Variants in ARHGAP35 observed in about 807,000 individuals in gnomAD.
The protein encoded by ARHGAP35 is Rho GTPase activating protein 35, also known as rho GTPase-activating protein 35.
ARHGAP35 carries 15 observed loss-of-function variants against 111.1 expected under a neutral mutation model. That is an observed-to-expected ratio of 0.13 (90% CI 0.09 to 0.21). ARHGAP35 has a LOEUF of 0.21. Among genes scored for constraint, ARHGAP35 ranks in the 10% least tolerant of loss-of-function variants. The pLI is 1.00. For missense variants in ARHGAP35, 1,262 were observed against 1,873.0 expected (o/e 0.67, Z 6.02); for synonymous variants, 643 against 710.3 (o/e 0.91, Z 1.51).
At chr19:46,961,165 G>A (rs1025446650) in intron 3 of ARHGAP35, among the ~76,000 whole-genome samples, 2 of 152,182 alleles carry the variant, frequency 1.3e-5, no homozygotes, top group Non-Finnish European at 2.9e-5. Context: ...AAAGTGCTGG[G>A]ATTACAGGCA....
At chr19:46,924,484 A>G (rs2056227194) in intron 2 of ARHGAP35, among the ~76,000 whole-genome samples, 1 of 152,204 alleles carries the variant, frequency 6.6e-6, no homozygotes, top group Non-Finnish European at 1.5e-5. Flanking sequence ...GCTGACTATT[A>G]ATAAATGCCA....
At chr19:46,916,888 C>T (rs1235063726) in intron 1 of ARHGAP35, among the ~76,000 whole-genome samples, 3 of 151,936 alleles carry the variant, frequency 2.0e-5, no homozygotes, top group Non-Finnish European at 4.4e-5. Context: ...GAGACATTTT[C>T]ACATGATAGA....
chr19:46,872,417 T>C (rs1281908506), intron 1 of ARHGAP35, among the ~76,000 whole-genome samples: 2 of 151,958 alleles, frequency 1.3e-5, no homozygotes, highest in Admixed American at 6.6e-5. Flanking sequence ...GAAAAAAAGA[T>C]TAAACAAGTT....
chr19:46,863,508 C>G (rs2055840106), intron 1 of ARHGAP35, among the ~76,000 whole-genome samples: 1 of 152,126 alleles, frequency 6.6e-6, no homozygotes, highest in South Asian at 2.1e-4. Context: ...GCTTTGTGTC[C>G]TTTGGAAAAG....
intron 2 of ARHGAP35, among the ~76,000 whole-genome samples, chr19:46,925,075 C>T (rs1046331387): frequency 6.6e-5 from 10 of 152,116 alleles, no homozygotes; most frequent in African/African-American, 1.9e-4. Context: ...GGTCGGCTTC[C>T]GGTCTATCTT....
Position 46,917,721 on chromosome 19 carries a change from T to G in ARHGAP35, c.-188-767T>G, listed in dbSNP as rs114221541. Among the ~76,000 whole-genome samples, 1,196 of 152,284 alleles carry G rather than the reference T, an allele frequency of 7.9e-3. 9 individuals are homozygous for G. Among genetic ancestry groups the G allele is most frequent in the African/African-American group, 0.027 (1,121 of 41,560 alleles). On this transcript the variant is annotated intron_variant, in intron 1 of 6. Coordinates refer to ENST00000672722, the MANE Select transcript of ARHGAP35 (RefSeq NM_004491.5). ...TTTGGGTTGCTTCCATGTTTTGTTG[T>G]TGTTGCTGTTTTGAGATAGTCTTAC...
At chr19:46,942,419 T>A (rs2056352618) in intron 3 of ARHGAP35, among the ~76,000 whole-genome samples, 1 of 152,014 alleles carries the variant, frequency 6.6e-6, no homozygotes, top group Non-Finnish European at 1.5e-5. Flanking sequence ...GATCACTTGA[T>A]GTCAGGAGTT....
In ARHGAP35 at chr19:46,993,873, C is replaced by T. The variant is rs1353824621; in HGVS notation, c.4036+4198C>T. Among the ~76,000 whole-genome samples the T allele has an allele frequency of 6.6e-6, 1 of 152,198 alleles. No individual in the cohort carries two copies. The highest frequency in any genetic ancestry group is 2.4e-5 in the African/African-American group (1 of 41,438). On this transcript the variant is annotated intron_variant, in intron 5 of 6. Coordinates refer to ENST00000672722, the MANE Select transcript of ARHGAP35 (RefSeq NM_004491.5). This position sits in a 1 kb window ranked among gnomAD's most constrained non-coding sequence, Gnocchi z 4.6. ...ATAGGCCACCTTCTCTCCCGGCCCA[C>T]GCCCCTGGACTCCTGTCTACCCCTG...
intron 1 of ARHGAP35, among the ~76,000 whole-genome samples, chr19:46,917,437 G>A (rs1038648304): frequency 2.0e-5 from 3 of 151,914 alleles, no homozygotes; most frequent in African/African-American, 7.3e-5. Flanking sequence ...GTGAAACCTC[G>A]TCTCTACTAA....
At chr19:46,868,487 A>G (rs1176498101) in intron 1 of ARHGAP35, among the ~76,000 whole-genome samples, 3 of 152,196 alleles carry the variant, frequency 2.0e-5, no homozygotes, top group Admixed American at 6.5e-5. Flanking sequence ...ATATTCAGAG[A>G]TTTGAGCACA....
chr19:46,865,621 G>T (rs1326592598), intron 1 of ARHGAP35, among the ~76,000 whole-genome samples: 2 of 152,168 alleles, frequency 1.3e-5, no homozygotes, highest in Admixed American at 1.3e-4. Context: ...TAGATGTTTG[G>T]TGAGTCTGCA....
At position 46,931,435 on chromosome 19, in the gene ARHGAP35, G is replaced by A. The variant is rs550550480; in HGVS notation, c.3682-5829G>A. 1.4e-4 allele frequency among the ~76,000 whole-genome samples: 21 copies of A among 152,190 alleles called. 1 individual carries two copies. Among genetic ancestry groups the A allele is most frequent in the Admixed American group, 1.2e-3 (19 of 15,288 alleles). ...GGCTTACAGCCGAGTGGGGAGCAGA[G>A]GCAGTGACAGATGCAGCTTCCTACT... On this transcript the variant is annotated intron_variant, in intron 2 of 6. Coordinates refer to ENST00000672722, the MANE Select transcript of ARHGAP35 (RefSeq NM_004491.5).
intron 1 of ARHGAP35, among the ~76,000 whole-genome samples, chr19:46,883,469 A>G (rs1033800440): frequency 9.2e-5 from 14 of 152,216 alleles, no homozygotes; most frequent in African/African-American, 3.1e-4. Flanking sequence ...GTTAGAACAC[A>G]TACAACATTT....
In ARHGAP35 at chr19:46,986,799, A is replaced by G. The variant is rs75764660; in HGVS notation, c.3827-1190A>G. ...TCTGTTAAGCTTTTACTAGTTGTCA[A>G]AAAAACATACTTGTGAGTTAATTTT... On this transcript the variant is annotated intron_variant, in intron 3 of 6. Coordinates refer to ENST00000672722, the MANE Select transcript of ARHGAP35 (RefSeq NM_004491.5). This position sits in a 1 kb window ranked among gnomAD's most constrained non-coding sequence, Gnocchi z 4.3. Among the ~76,000 whole-genome samples the G allele has an allele frequency of 7.7e-4, 117 of 152,366 alleles. 3 individuals carry two copies. In the East Asian group the frequency reaches 0.022, roughly 29 times the overall value.
intron 1 of ARHGAP35, among the ~76,000 whole-genome samples, chr19:46,872,937 T>G (rs2055895641): frequency 1.3e-5 from 2 of 152,134 alleles, no homozygotes; most frequent in African/African-American, 4.8e-5. Context: ...AATGAACTGT[T>G]TATTACATAC....
At chr19:46,866,448 G>C (rs1480020750) in intron 1 of ARHGAP35, among the ~76,000 whole-genome samples, 1 of 152,156 alleles carries the variant, frequency 6.6e-6, no homozygotes, top group African/African-American at 2.4e-5. Context: ...CAGTGACCTG[G>C]CTTCTGATCT....
At chr19:46,892,578 G>A (rs2056030891) in intron 1 of ARHGAP35, among the ~76,000 whole-genome samples, 1 of 150,908 alleles carries the variant, frequency 6.6e-6, no homozygotes, top group Non-Finnish European at 1.5e-5. Flanking sequence ...ATTACTGAGA[G>A]CAATTTTCTA....
intron 1 of ARHGAP35, among the ~76,000 whole-genome samples, chr19:46,888,312 ATAT>A (rs1568461141): frequency 9.6e-5 from 6 of 62,450 alleles, no homozygotes; most frequent in African/African-American, 3.6e-4. Flanking sequence ...ATATATATAT[ATAT>A]ATAAAATATT....
chr19:46,999,037 C>T lies in ARHGAP35; in HGVS notation c.4037-267C>T, dbSNP rs2056731448. The T allele has an allele frequency of 4.5e-6, 2 of 441,574 alleles. No individual in the cohort carries two copies. Among genetic ancestry groups the T allele is most frequent in the African/African-American group, 2.0e-5 (1 of 50,892 alleles). The allele number at this position is 441,574 out of a possible 1,614,324, so 27.4% of individuals were successfully genotyped here. ...TATGGCGGAGTGTCTCCAGATTGTT[C>T]TGTCTTGGGTGGTGGGGGCCAGGAA... is the stretch of plus-strand genomic sequence containing the variant. On this transcript the variant is annotated intron_variant, in intron 5 of 6. Transcript: ENST00000672722. The surrounding 1 kb of genome is among the most constrained non-coding windows in gnomAD (Gnocchi z 5.4).
Sources: allele counts gnomAD v4.1 joint callset (sites outside exome capture counted in the v4.1 genomes callset), GRCh38; gene constraint gnomAD v4.1.1; non-coding constraint Gnocchi (gnomAD v3.1); transcripts MANE v1.5; gene names NCBI Gene and HGNC (gene_info 2026-07-23, HGNC 2026-07-21).